The following NOTCH2 variants were observed in gnomAD, a reference collection of about 807,000 sequenced individuals.
NOTCH2 encodes neurogenic locus notch homolog protein 2.
In NOTCH2, 29 loss-of-function variants were observed where a neutral mutation model predicts 235.8. That is an observed-to-expected ratio of 0.12 (90% confidence interval 0.09 to 0.17). The LOEUF (loss-of-function observed/expected upper bound fraction) is 0.17. NOTCH2 is among the 10% of genes least tolerant of loss of function. NOTCH2 has a pLI of 1.00. For synonymous variants in NOTCH2, 1,086 were observed against 1,141.5 expected, an observed-to-expected ratio of 0.95 and a Z score of 0.98; for missense variants, 2,285 against 3,150.2, an observed-to-expected ratio of 0.73 and a Z score of 6.57.
At position 119,968,099 on chromosome 1, in the gene NOTCH2, T is replaced by C; in HGVS notation, c.1242A>G (p.Glu414=). 6.2e-7 allele frequency: 1 copy of C among 1,614,094 alleles called. No homozygotes were observed. The highest frequency in any genetic ancestry group is 8.5e-7 in the Non-Finnish European group (1 of 1,179,942). Residue 414 remains glutamate (E), a synonymous_variant, in exon 7 of 34, where the codon GAA becomes GAG. Coordinates refer to ENST00000256646, the MANE Select transcript of NOTCH2 (RefSeq NM_024408.4). ...CACCCATGGCACATTCATCCACATC[T>C]TCTGTGCAGTCAGCCCCTTTGTAGC... ...PQGYKGADCT[E]DVDECAMANS... is the part of the protein sequence containing the mutation.
At chr1:120,000,035 G>GGGAGAAAGGAAGGAAGGAAA in intron 3 of NOTCH2, among the ~76,000 whole-genome samples, 1 of 151,794 alleles carries the variant, frequency 6.6e-6, no homozygotes, top group Non-Finnish European at 1.5e-5. Context: ...AAGGAAGGAA[G>GGGAGAAAGGAAGGAAGGAAA]GGAGAAAGAA....
At chr1:119,958,988 G>A (rs1474147473) in intron 12 of NOTCH2, among the ~76,000 whole-genome samples, 2 of 152,082 alleles carry the variant, frequency 1.3e-5, no homozygotes, top group Non-Finnish European at 2.9e-5. Flanking sequence ...TCTACCTTGA[G>A]TATGTCAAAG....
At chr1:119,935,311 G>A (rs1206684686) in intron 22 of NOTCH2, 161 bp downstream of exon 22, 1 of 1,574,292 alleles carries the variant, frequency 6.4e-7, no homozygotes. Flanking sequence ...AGCAAGAGAT[G>A]GGAGAATAAA....
chr1:119,984,436 A>G lies in NOTCH2; in HGVS notation c.874+2524T>C, dbSNP rs1344374574. ...AAAGGATATTTAAACTCTATCTCTAATACAGTTATTGCAAAGATTACACAG... is the reference window on the plus strand; with the variant it reads ...AAAGGATATTTAAACTCTATCTCTAGTACAGTTATTGCAAAGATTACACAG... On this transcript the variant is annotated intron_variant, in intron 5 of 33. Coordinates refer to ENST00000256646, the MANE Select transcript of NOTCH2 (RefSeq NM_024408.4). Among the ~76,000 whole-genome samples the G allele has an allele frequency of 4.6e-5, 7 of 152,212 alleles. No homozygotes were observed. In the South Asian group the frequency reaches 1.4e-3, roughly 31 times the overall value.
Position 120,033,900 on chromosome 1 carries a change from C to A in NOTCH2, c.74-3913G>T, listed in dbSNP as rs587670301. On this transcript the variant is annotated intron_variant, in intron 1 of 33. Coordinates refer to ENST00000256646, the MANE Select transcript of NOTCH2 (RefSeq NM_024408.4). ...CTTTGTACCCTATAAATGTATACAA[C>A]TATAAATTGACAATTCTAATTTTTA... Among the ~76,000 whole-genome samples the A allele has an allele frequency of 5.3e-5, 8 of 151,706 alleles. No homozygotes were observed. In the South Asian group the frequency reaches 1.7e-3, roughly 32 times the overall value.
intron 4 of NOTCH2, among the ~76,000 whole-genome samples, chr1:119,989,205 C>T (rs1254691395): frequency 3.9e-5 from 6 of 152,120 alleles, no homozygotes; most frequent in African/African-American, 7.2e-5. Context: ...CAGGACCCAC[C>T]TTAAATGGTT....
At position 119,937,343 on chromosome 1, in the gene NOTCH2, G is replaced by A. The variant is rs367562640; in HGVS notation, c.3461C>T (p.Ala1154Val). The change falls in exon 21 of 34, where the codon GCG becomes GTG. Residue 1154 changes from alanine (A) to valine (V), a missense_variant. Coordinates refer to ENST00000256646, the MANE Select transcript of NOTCH2 (RefSeq NM_024408.4). ...TGCCCCGTGCTGGCAGGGGTTGGAC[G>A]CACACTCATCGAGTTGCTCCTCACA... ...SYCEEQLDEC[A>V]SNPCQHGATC... 3.3e-5 allele frequency: 54 copies of A among 1,613,956 alleles called. No homozygotes were observed. Among genetic ancestry groups the A allele is most frequent in the Non-Finnish European group, 4.2e-5 (50 of 1,180,036 alleles).
chr1:120,066,220 T>C (rs587596212), intron 1 of NOTCH2, among the ~76,000 whole-genome samples: 1 of 152,178 alleles, frequency 6.6e-6, no homozygotes, highest in South Asian at 2.1e-4. Context: ...ATGACTAAGG[T>C]TACATTTGTT....
chr1:119,975,506 C>A (rs905957819), intron 5 of NOTCH2, among the ~76,000 whole-genome samples: 4 of 152,074 alleles, frequency 2.6e-5, no homozygotes, highest in Admixed American at 2.0e-4. Context: ...ATTAACTGGG[C>A]ATGATGGTGC....
intron 5 of NOTCH2, among the ~76,000 whole-genome samples, chr1:119,984,947 G>C (rs1195934445): frequency 6.6e-6 from 1 of 152,068 alleles, no homozygotes; most frequent in East Asian, 1.9e-4. Flanking sequence ...AAAATGATGA[G>C]AAAAATGGGG....
chr1:119,929,115 G>T lies in NOTCH2; in HGVS notation c.3753C>A (p.Arg1251=). ...GCTCCCCAGCAAAGCCAGGCAAGCA[G>T]CGACAACTGTAGCCTCCAATCCTAT... The part of the protein sequence containing the change: ...CMDRIGGYSC[R]CLPGFAGERC... The change falls in exon 23 of 34, where the codon CGC becomes CGA. Residue 1251 remains arginine, a synonymous_variant. Coordinates refer to ENST00000256646, the MANE Select transcript of NOTCH2 (RefSeq NM_024408.4). 6.2e-7 allele frequency: 1 copy of T among 1,614,218 alleles called. No homozygotes were observed.
intron 25 of NOTCH2, among the ~76,000 whole-genome samples, chr1:119,925,065 C>T (rs191738837): frequency 2.3e-4 from 35 of 152,152 alleles, no homozygotes; most frequent in East Asian, 9.7e-4. Flanking sequence ...CAGGAGGTCA[C>T]GAAGGCAGCA....
chr1:120,047,791 G>T (rs1553213871), intron 1 of NOTCH2, among the ~76,000 whole-genome samples: 1 of 120,714 alleles, frequency 8.3e-6, no homozygotes, highest in Non-Finnish European at 1.6e-5. Flanking sequence ...TTGAGATGCA[G>T]TCTCTCTCTA....
At position 119,922,220 on chromosome 1, in the gene NOTCH2, T is replaced by C. The variant is rs974114448; in HGVS notation, c.5213+16A>G. The C allele has an allele frequency of 1.9e-6, 3 of 1,612,362 alleles. No individual in the cohort carries two copies. In the South Asian group the frequency reaches 3.3e-5, roughly 18 times the overall value. On this transcript the variant is annotated intron_variant, in intron 28 of 33. Transcript: ENST00000256646. ...ACTTATACTGTGAATAGTGGCTTAT[T>C]GGCAATGCCTCTTACTTCAGCCCCA...
chr1:119,970,199 C>A (rs1262015232), intron 5 of NOTCH2, among the ~76,000 whole-genome samples: 1 of 152,110 alleles, frequency 6.6e-6, no homozygotes, highest in African/African-American at 2.4e-5. Context: ...TAATATTATG[C>A]AACAGTTCCA....
rs1268367047 is a variant in NOTCH2, at chr1:119,914,297, T to TG, written c.*1008dup. On this transcript the variant is annotated 3_prime_UTR_variant, in exon 34 of 34. Transcript: ENST00000256646. ...GCTTGGCAGGAAGTAGGGGGACCTG[T>TG]GGGTGGGTAACTGGCTCTTGCACGA... The TG allele has an allele frequency of 4.3e-6, 1 of 233,034 alleles. No individual in the cohort carries two copies. Among genetic ancestry groups the TG allele is most frequent in the Non-Finnish European group, 8.5e-6 (1 of 118,008 alleles). 14.4% of individuals were successfully genotyped at this position (233,034 alleles called of 1,614,324 possible). A position where few individuals can be genotyped will look rare whatever the true frequency, so the allele number is the denominator to read the frequency against.
In NOTCH2 at chr1:119,963,720, G is replaced by C. The variant is rs1651030663; in HGVS notation, c.1769C>G (p.Ser590Cys). The change falls in exon 11 of 34, where the codon TCC becomes TGC. Residue 590 changes from serine to cysteine, a missense_variant. Transcript: ENST00000256646. ...CCCGGGATTGCAGATGCAGGTGTAG[G>C]AATCAATACCATCCTGACACTGACC... ...HHGQCQDGID[S>C]YTCICNPGYM... The C allele has an allele frequency of 6.2e-7, 1 of 1,614,138 alleles. No homozygotes were observed. Among genetic ancestry groups the C allele is most frequent in the East Asian group, 2.2e-5 (1 of 44,880 alleles).
intron 5 of NOTCH2, among the ~76,000 whole-genome samples, chr1:119,977,622 C>T (rs1651639009): frequency 6.6e-6 from 1 of 152,180 alleles, no homozygotes; most frequent in Non-Finnish European, 1.5e-5. Context: ...GCAGTAAAAA[C>T]ATATGCACTG....
At position 119,940,649 on chromosome 1, in the gene NOTCH2, C is replaced by T. The variant is rs782643558; in HGVS notation, c.3089G>A (p.Ser1030Asn). 2.5e-6 allele frequency: 4 copies of T among 1,614,138 alleles called. No homozygotes were observed. Among genetic ancestry groups the T allele is most frequent in the Non-Finnish European group, 3.4e-6 (4 of 1,180,002 alleles). The change falls in exon 19 of 34, where the codon AGC becomes AAC. Residue 1030 changes from serine (S) to asparagine (N), a missense_variant. Physicochemically the swap from Ser to Asn is conservative, Grantham distance 46. This residue lies in a region of NOTCH2 where 1,173 missense variants were observed against 1,515.3 expected (regional missense o/e 0.77). Transcript: ENST00000256646. ...TCCCTCATTCAGGCATGGATGAGAG[C>T]TGCATTCATTGATCTCATGGAGGCA... ...SFCLHEINEC[S>N]SHPCLNEGTC...
Sources: gnomAD v4.1 joint callset for allele counts (sites outside exome capture counted in the v4.1 genomes callset) on GRCh38, gnomAD v4.1.1 for gene constraint, gnomAD v4.1.1 regional missense constraint, MANE v1.5 for transcripts, NCBI Gene and HGNC (gene_info 2026-07-23, HGNC 2026-07-21) for gene names.